ATP1A2: variants seen among roughly 807,000 people sequenced by gnomAD.
ATP1A2 encodes ATPase Na+/K+ transporting subunit alpha 2.
ATP1A2 carries 56 observed loss-of-function variants against 113.1 expected under a neutral mutation model. The ratio of observed to expected loss-of-function variants is 0.49; its 90% CI spans 0.40 to 0.62. The LOEUF (loss-of-function observed/expected upper bound fraction) is 0.62, where lower values mean the gene tolerates loss of function less well. ATP1A2 is among the 20% of genes least tolerant of loss of function. The probability of loss-of-function intolerance (pLI) is 0.00; values close to 1 mark genes in which losing one functional copy is unlikely to be tolerated. For synonymous variants in ATP1A2, 490 were observed against 526.8 expected, an observed-to-expected ratio of 0.93 and a Z score of 0.96; for missense variants, 712 against 1,357.8, an observed-to-expected ratio of 0.52 and a Z score of 7.47.
In ATP1A2 at chr1:160,120,911, C is replaced by G; in HGVS notation, c.18C>G (p.Gly6=). ...GCTCTCCCTTCCTCCCTCAGGCTGG[C>G]CGTGAGTACTCACCTGCCGCCACCA... The part of the protein sequence containing the change: MGRGA[G]REYSPAATTA... Residue 6 remains glycine, a synonymous_variant, in exon 2 of 23, where the codon GGC becomes GGG. Transcript: ENST00000361216. The G allele has an allele frequency of 6.3e-7, 1 of 1,590,322 alleles. No individual in the cohort carries two copies. Among genetic ancestry groups the G allele is most frequent in the Non-Finnish European group, 8.6e-7 (1 of 1,168,838 alleles).
intron 3 of ATP1A2, among the ~76,000 whole-genome samples, chr1:160,122,309 A>T (rs939068914): frequency 2.6e-5 from 4 of 151,992 alleles, no homozygotes; most frequent in African/African-American, 9.7e-5. Context: ...ACCTCTCCAG[A>T]TCATAAGCTC....
At position 160,121,252 on chromosome 1, in the gene ATP1A2, G is replaced by A. The variant is rs1651388418; in HGVS notation, c.177+1G>A. The stretch of plus-strand genomic sequence containing the variant: ...CAAATACCAAGTGGACCTGTCCAAG[G>A]TGAGTGGAGGGGCTTCTAGGGAAGG... On this transcript the variant is annotated splice_donor_variant, in intron 3 of 22. Coordinates refer to ENST00000361216, the MANE Select transcript of ATP1A2 (RefSeq NM_000702.4). LOFTEE classifies it high-confidence loss of function. 6.2e-7 allele frequency: 1 copy of A among 1,614,126 alleles called. No homozygotes were observed. The highest frequency in any genetic ancestry group is 8.5e-7 in the Non-Finnish European group (1 of 1,180,046).
In ATP1A2 at chr1:160,124,423, G is replaced by T. The variant is rs888077669; in HGVS notation, c.623G>T (p.Gly208Val). ...PADLRIISSH[G>V]CKVDNSSLTG... Reference sequence around the variant, plus strand: ...GACCTCCGGATCATCTCTTCTCATGGCTGTAAGGTGAGGAGGTCATACCAG... The same window carrying T: ...GACCTCCGGATCATCTCTTCTCATGTCTGTAAGGTGAGGAGGTCATACCAG... Residue 208 changes from glycine (G) to valine (V), a missense_variant, in exon 6 of 23, where the codon GGC becomes GTC. This residue lies in a region of ATP1A2 where 99 missense variants were observed against 180.4 expected (regional missense o/e 0.55). Transcript: ENST00000361216. The T allele has an allele frequency of 2.5e-6, 4 of 1,607,390 alleles. No individual in the cohort carries two copies. Among genetic ancestry groups the T allele is most frequent in the Non-Finnish European group, 3.4e-6 (4 of 1,177,136 alleles).
In ATP1A2 at chr1:160,127,835, C is replaced by A; in HGVS notation, c.1017+15C>A. 1.3e-6 allele frequency: 2 copies of A among 1,578,696 alleles called. No homozygotes were observed. The highest frequency in any genetic ancestry group is 8.6e-7 in the Non-Finnish European group (1 of 1,161,462). On this transcript the variant is annotated intron_variant, in intron 8 of 22. Coordinates refer to ENST00000361216, the MANE Select transcript of ATP1A2 (RefSeq NM_000702.4). Reference sequence around the variant, plus strand: ...CCACTGTCACTGTGAGTGGGTCAGGCTGAGGTGCCACCAGGGGAGGGTCTC... The same window carrying A: ...CCACTGTCACTGTGAGTGGGTCAGGATGAGGTGCCACCAGGGGAGGGTCTC...
At chr1:160,137,188 G>A in intron 20 of ATP1A2, 157 bp downstream of exon 20, 1 of 1,248,984 alleles carries the variant, frequency 8.0e-7, no homozygotes, top group Non-Finnish European at 1.1e-6. Flanking sequence ...GTTTCATATA[G>A]AAGAGAGAAG....
At position 160,115,783 on chromosome 1, in the gene ATP1A2, G is replaced by A. The variant is rs1651153205; in HGVS notation, c.-79G>A. The A allele has an allele frequency of 3.2e-6, 5 of 1,544,090 alleles. No homozygotes were observed. The highest frequency in any genetic ancestry group is 2.4e-5 in the East Asian group (1 of 41,962). ...TCTCTGTCTGCCAGGGTCTCCGACT[G>A]TCCCAGACGGGCTGGTGTGGGCTTG... On this transcript the variant is annotated 5_prime_UTR_variant, in exon 1 of 23. Transcript: ENST00000361216.
chr1:160,121,140 A>G, intron 2 of ATP1A2, 52 bp from the exon 3 acceptor site: 2 of 1,607,288 alleles, frequency 1.2e-6, no homozygotes, highest in East Asian at 2.2e-5. Context: ...CAGTACCCTC[A>G]TATGCATCTT....
At chr1:160,117,947 G>T (rs749818835) in intron 1 of ATP1A2, among the ~76,000 whole-genome samples, 1 of 152,110 alleles carries the variant, frequency 6.6e-6, no homozygotes, top group African/African-American at 2.4e-5. Context: ...GTTGGGGGAG[G>T]GAGGAGTGGA....
In ATP1A2 at chr1:160,119,256, C is replaced by CAAAAAAAAAAAAAAAAAAA. The variant is rs386368465; in HGVS notation, c.13-1641_13-1623dup. On this transcript the variant is annotated intron_variant, in intron 1 of 22. Transcript: ENST00000361216. ...AAACCCCCAAAACTGCATTATCCTG[C>CAAAAAAAAAAAAAAAAAAA]AAAAAAAAAAAAAAAAAAAAAAAAA... Among the ~76,000 whole-genome samples the CAAAAAAAAAAAAAAAAAAA allele has an allele frequency of 6.5e-4, 32 of 49,426 alleles. 9 individuals carry two copies. Among genetic ancestry groups the CAAAAAAAAAAAAAAAAAAA allele is most frequent in the South Asian group, 3.0e-3 (4 of 1,346 alleles). 32.4% of individuals were successfully genotyped at this position (49,426 alleles called of 152,430 possible).
rs1328589367 is a variant in ATP1A2 at position 160,135,754 on chromosome 1, G to C, written c.2285-85G>C. On this transcript the variant is annotated intron_variant, in intron 16 of 22. Transcript: ENST00000361216. The surrounding 1 kb of genome is among the most constrained non-coding windows in gnomAD (Gnocchi z 6.3). ...CTTGAACACAAAATCTTCCTCTCTT[G>C]GGAAGACAGGCAGCCATGCTTCAGG... The C allele has an allele frequency of 3.6e-5, 58 of 1,610,796 alleles. No homozygotes were observed. The highest frequency in any genetic ancestry group is 4.5e-5 in the Non-Finnish European group (53 of 1,177,494).
intron 7 of ATP1A2, among the ~76,000 whole-genome samples, chr1:160,125,961 G>A (rs759785999): frequency 6.6e-6 from 1 of 152,208 alleles, no homozygotes; most frequent in Non-Finnish European, 1.5e-5. Context: ...GAAGGAGTAG[G>A]AGGGAAGAGA....
rs562278306 is a variant in ATP1A2 at position 160,129,267 on chromosome 1, G to A, written c.1328G>A (p.Arg443Gln). The stretch of plus-strand genomic sequence containing the variant: ...CTGAATTCTTGTCTCTTCTGGCAGC[G>A]GGACACAGCTGGTGATGCCTCTGAG... ...AGQENISVSK[R>Q]DTAGDASESA... The change falls in exon 11 of 23, where the codon CGG becomes CAG. Residue 443 changes from arginine to glutamine, a missense_variant and splice_region_variant. Arg to Gln is a conservative substitution (Grantham distance 43). Transcript: ENST00000361216. 49 of 1,614,114 alleles carry A rather than the reference G, an allele frequency of 3.0e-5. No homozygotes were observed. The highest frequency in any genetic ancestry group is 2.7e-4 in the South Asian group (25 of 91,084).
chr1:160,115,781 C>CTGTCCCAGACGGGCTGG lies in ATP1A2; in HGVS notation c.-77_-61dup, dbSNP rs1383328534. 1.9e-6 allele frequency: 3 copies of CTGTCCCAGACGGGCTGG among 1,541,134 alleles called. No individual in the cohort carries two copies. Among genetic ancestry groups the CTGTCCCAGACGGGCTGG allele is most frequent in the Non-Finnish European group, 2.6e-6 (3 of 1,134,974 alleles). ...TTTCTCTGTCTGCCAGGGTCTCCGA[C>CTGTCCCAGACGGGCTGG]TGTCCCAGACGGGCTGGTGTGGGCT... On this transcript the variant is annotated 5_prime_UTR_variant, in exon 1 of 23. Coordinates refer to ENST00000361216, the MANE Select transcript of ATP1A2 (RefSeq NM_000702.4).
chr1:160,129,110 C>G, intron 10 of ATP1A2, 21 bp downstream of exon 10: 1 of 1,596,630 alleles, frequency 6.3e-7, no homozygotes, highest in Non-Finnish European at 8.5e-7. Flanking sequence ...AGGACACACA[C>G]CAGGTATGTT....
chr1:160,124,105 G>A (rs747471931), intron 5 of ATP1A2, 49 bp downstream of exon 5: 3 of 1,604,724 alleles, frequency 1.9e-6, no homozygotes, highest in Middle Eastern at 1.7e-4. Context: ...GTTTTGGCAA[G>A]AGTCCAGCTC....
chr1:160,127,881 A>G, intron 8 of ATP1A2, 61 bp downstream of exon 8: 1 of 1,526,108 alleles, frequency 6.6e-7, no homozygotes, highest in African/African-American at 1.4e-5. Context: ...CCTCAGAGTG[A>G]TAGAGGCACA....
At chr1:160,129,678 C>T (rs1027948686) in intron 11 of ATP1A2, among the ~76,000 whole-genome samples, 2 of 152,172 alleles carry the variant, frequency 1.3e-5, no homozygotes, top group Admixed American at 6.5e-5. Context: ...ACTCTTCTAC[C>T]CCAGTCAGTG....
In ATP1A2 at chr1:160,136,384, C is replaced by T. The variant is rs371413060; in HGVS notation, c.2563+14C>T. 214 of 1,613,814 alleles carry T rather than the reference C, an allele frequency of 1.3e-4. 1 individual carries two copies. The highest frequency in any genetic ancestry group is 1.2e-3 in the South Asian group (106 of 91,048). On this transcript the variant is annotated intron_variant, in intron 18 of 22. Coordinates refer to ENST00000361216, the MANE Select transcript of ATP1A2 (RefSeq NM_000702.4). Reference sequence around the variant, plus strand: ...ACGGACAGATCGGTGCGCCAAGCCCCGGGCCTCGGGAGGGAACCCCAACAG... The same window carrying T: ...ACGGACAGATCGGTGCGCCAAGCCCTGGGCCTCGGGAGGGAACCCCAACAG...
At position 160,130,412 on chromosome 1, in the gene ATP1A2, C is replaced by T; in HGVS notation, c.1652-10C>T. ...TGCGGATCTCACTGATCCCTTCTGC[C>T]CCCCTTTAGGATTCTGTCAACTGAA... On this transcript the variant is annotated splice_polypyrimidine_tract_variant and intron_variant, in intron 12 of 22. Transcript: ENST00000361216. 1.2e-6 allele frequency: 2 copies of T among 1,614,164 alleles called. No individual in the cohort carries two copies. The highest frequency in any genetic ancestry group is 1.1e-5 in the South Asian group (1 of 91,084).
Sources: allele counts gnomAD v4.1 joint callset (sites outside exome capture counted in the v4.1 genomes callset), GRCh38; gene constraint gnomAD v4.1.1; regional missense constraint gnomAD v4.1.1; non-coding constraint Gnocchi (gnomAD v3.1); transcripts MANE v1.5; gene names NCBI Gene and HGNC (gene_info 2026-07-23, HGNC 2026-07-21).